DRC1: variants seen among roughly 807,000 people sequenced by gnomAD.
The protein encoded by DRC1 is dynein regulatory complex subunit 1.
DRC1 carries 74 observed loss-of-function variants against 98.7 expected under a neutral mutation model. The ratio of observed to expected loss-of-function variants is 0.75; its 90% CI spans 0.62 to 0.91. DRC1 has a LOEUF of 0.91. Ranked by LOEUF, DRC1 falls within the 40% of genes least tolerant of loss-of-function variation. DRC1 has a pLI of 0.00. For missense variants in DRC1, 875 were observed against 886.0 expected (o/e 0.99, Z 0.16); for synonymous variants, 336 against 334.1 (o/e 1.01, Z -0.06).
At chr2:26,450,902 C>T (rs1360227633) in intron 13 of DRC1, among the ~76,000 whole-genome samples, 2 of 151,978 alleles carry the variant, frequency 1.3e-5, no homozygotes, top group African/African-American at 4.8e-5. Context: ...CGACAGGCCC[C>T]GGTGTGTTAT....
At chr2:26,439,457 T>C (rs1196514128) in intron 7 of DRC1, among the ~76,000 whole-genome samples, 2 of 152,196 alleles carry the variant, frequency 1.3e-5, no homozygotes, top group Non-Finnish European at 2.9e-5. Flanking sequence ...CCTTGAAAAG[T>C]ATCTGACATA....
chr2:26,451,380 T>C (rs1383853025), intron 13 of DRC1, among the ~76,000 whole-genome samples: 1 of 152,192 alleles, frequency 6.6e-6, no homozygotes, highest in South Asian at 2.1e-4. Flanking sequence ...TTTCAGAAGG[T>C]GAATCAAATA....
At chr2:26,418,560 ATAT>A (rs1678896337) in intron 2 of DRC1, among the ~76,000 whole-genome samples, 1 of 107,348 alleles carries the variant, frequency 9.3e-6, no homozygotes, top group Admixed American at 1.3e-4. Context: ...TATATAATTT[ATAT>A]ATAATATATA....
chr2:26,415,267 CA>C (rs1478804891), intron 2 of DRC1, among the ~76,000 whole-genome samples: 2 of 152,068 alleles, frequency 1.3e-5, no homozygotes, highest in African/African-American at 4.8e-5. Flanking sequence ...TGCATTTAAT[CA>C]ATGTTAAGTG....
At chr2:26,429,809 C>T (rs1323564855) in intron 5 of DRC1, 44 bp downstream of exon 5, 2 of 1,606,004 alleles carry the variant, frequency 1.2e-6, no homozygotes, top group African/African-American at 1.3e-5. Context: ...TTGGAGGGCC[C>T]CTGGGAGGAG....
chr2:26,411,650 A>G (rs1478491544), intron 1 of DRC1, among the ~76,000 whole-genome samples: 1 of 152,178 alleles, frequency 6.6e-6, no homozygotes, highest in Non-Finnish European at 1.5e-5. Flanking sequence ...TACAAAAGTT[A>G]GCTGGGTGTG....
In DRC1 at chr2:26,414,110, G is replaced by T. The variant is rs10194156; in HGVS notation, c.156-234G>T. On this transcript the variant is annotated intron_variant, in intron 1 of 16. Coordinates refer to ENST00000288710, the MANE Select transcript of DRC1 (RefSeq NM_145038.5). ...TATATATTTATATATGAAGTACAATGGAACCATTATTATTATTATTATTAT... is the reference window on the plus strand; with the variant it reads ...TATATATTTATATATGAAGTACAATTGAACCATTATTATTATTATTATTAT... Among the ~76,000 whole-genome samples, 3,803 of 83,924 alleles carry T rather than the reference G, an allele frequency of 0.045. 138 individuals are homozygous for T. The highest frequency in any genetic ancestry group is 0.14 in the African/African-American group (3,280 of 23,512). The allele number at this position is 83,924 out of a possible 152,430, so 55.1% of individuals were successfully genotyped here. A position where few individuals can be genotyped will look rare whatever the true frequency, so the allele number is the denominator to read the frequency against.
At chr2:26,439,213 C>T (rs73920276) in intron 7 of DRC1, among the ~76,000 whole-genome samples, 8,468 of 152,170 alleles carry the variant, frequency 0.056, 409 homozygotes, top group African/African-American at 0.13. Context: ...GAGCGCTCTC[C>T]CTTCAGGTGG....
chr2:26,453,385 A>C lies in DRC1; in HGVS notation c.1755A>C (p.Glu585Asp). ...ASMEETSTRSELELAEQTEME... is the reference protein window; with the variant it reads ...ASMEETSTRSDLELAEQTEME... ...TGGAGGAGACAAGCACGAGGTCAGAATTGGAGCTGGCAGAGCAGACGGAGA... is the reference window on the plus strand; with the variant it reads ...TGGAGGAGACAAGCACGAGGTCAGACTTGGAGCTGGCAGAGCAGACGGAGA... Residue 585 changes from glutamate (E) to aspartate (D), a missense_variant, in exon 14 of 17, where the codon GAA (glutamate) becomes GAC (aspartate). Physicochemically the swap from Glu to Asp is conservative, Grantham distance 45. Coordinates refer to ENST00000288710, the MANE Select transcript of DRC1 (RefSeq NM_145038.5). The C allele has an allele frequency of 1.2e-6, 2 of 1,614,220 alleles. No homozygotes were observed. The highest frequency in any genetic ancestry group is 1.7e-6 in the Non-Finnish European group (2 of 1,180,050).
At chr2:26,418,135 C>T (rs912065116) in intron 2 of DRC1, among the ~76,000 whole-genome samples, 8 of 152,094 alleles carry the variant, frequency 5.3e-5, no homozygotes, top group African/African-American at 1.9e-4. Flanking sequence ...TTCAAACCCC[C>T]ATTGTCCCCT....
At chr2:26,411,000 C>T (rs575578619) in intron 1 of DRC1, among the ~76,000 whole-genome samples, 238 of 152,300 alleles carry the variant, frequency 1.6e-3, no homozygotes, top group African/African-American at 5.4e-3. Flanking sequence ...GGTAGACAAT[C>T]AACCAAGTTC....
chr2:26,411,506 G>A lies in DRC1; in HGVS notation c.156-2838G>A, dbSNP rs546184557. On this transcript the variant is annotated intron_variant, in intron 1 of 16. Transcript: ENST00000288710. ...ACATGTGGTTATTGGCTACCATATT[G>A]GACAGTACAGTGCTAAGCAGTAAAA... is the stretch of plus-strand genomic sequence containing the variant. 5.3e-5 allele frequency among the ~76,000 whole-genome samples: 8 copies of A among 152,160 alleles called. 1 individual carries two copies. In the South Asian group the frequency reaches 6.2e-4, roughly 12 times the overall value.
At position 26,453,386 on chromosome 2, in the gene DRC1, T is replaced by A; in HGVS notation, c.1756T>A (p.Leu586Met). 6.2e-7 allele frequency: 1 copy of A among 1,613,898 alleles called. No homozygotes were observed. The highest frequency in any genetic ancestry group is 8.5e-7 in the Non-Finnish European group (1 of 1,180,004). Residue 586 changes from leucine (L) to methionine (M), a missense_variant, in exon 14 of 17, where the codon TTG (leucine) becomes ATG (methionine). Coordinates refer to ENST00000288710, the MANE Select transcript of DRC1 (RefSeq NM_145038.5). ...GGAGGAGACAAGCACGAGGTCAGAATTGGAGCTGGCAGAGCAGACGGAGAT... is the reference window on the plus strand; with the variant it reads ...GGAGGAGACAAGCACGAGGTCAGAAATGGAGCTGGCAGAGCAGACGGAGAT... ...SMEETSTRSELELAEQTEMEG... is the reference protein window; with the variant it reads ...SMEETSTRSEMELAEQTEMEG...
chr2:26,432,139 G>T (rs549219682), intron 7 of DRC1, 133 bp downstream of exon 7: 2 of 1,342,952 alleles, frequency 1.5e-6, no homozygotes, highest in East Asian at 5.3e-5. Context: ...TTAATCATCT[G>T]CCTTCTTTTA....
chr2:26,430,824 T>C lies in DRC1; in HGVS notation c.717T>C (p.Ser239=), dbSNP rs772316882. The C allele has an allele frequency of 6.2e-7, 1 of 1,614,030 alleles. No individual in the cohort carries two copies. Among genetic ancestry groups the C allele is most frequent in the Non-Finnish European group, 8.5e-7 (1 of 1,179,976 alleles). The part of the protein sequence containing the change: ...FEVERQELLA[S]NKKKWEQALQ... ...TGGAACGCCAAGAGCTACTGGCCAG[T>C]AATAAGAAGAAATGGGAGCAAGCCC... The change falls in exon 6 of 17, where the codon AGT becomes AGC. Residue 239 remains serine, a synonymous_variant. Transcript: ENST00000288710.
At position 26,429,739 on chromosome 2, in the gene DRC1, T is replaced by C. The variant is rs755509862; in HGVS notation, c.652T>C (p.Phe218Leu). 1 of 1,614,066 alleles carries C rather than the reference T, an allele frequency of 6.2e-7. No homozygotes were observed. The highest frequency in any genetic ancestry group is 8.5e-7 in the Non-Finnish European group (1 of 1,179,982). Residue 218 changes from phenylalanine to leucine, a missense_variant, in exon 5 of 17, where the codon TTT becomes CTT. Transcript: ENST00000288710. Reference sequence around the variant, plus strand: ...ACAGGTGAAGAATGTGATGAAAACCTTTCGTGAGGAGCTCTATAACATTGA... The same window carrying C: ...ACAGGTGAAGAATGTGATGAAAACCCTTCGTGAGGAGCTCTATAACATTGA... ...EEQVKNVMKT[F>L]REELYNIEKA...
At chr2:26,402,348 A>G (rs570871788) in intron 1 of DRC1, among the ~76,000 whole-genome samples, 13 of 152,352 alleles carry the variant, frequency 8.5e-5, no homozygotes, top group Non-Finnish European at 1.9e-4. Context: ...CAGGAGTTGG[A>G]GATGGTCAAC....
intron 15 of DRC1, 59 bp from the exon 16 acceptor site, chr2:26,455,072 C>T: frequency 6.3e-7 from 1 of 1,579,000 alleles, no homozygotes; most frequent in African/African-American, 1.3e-5. Context: ...AGACCCTGGC[C>T]CCTACTTGGC....
intron 1 of DRC1, among the ~76,000 whole-genome samples, chr2:26,403,629 T>C (rs1013863957): frequency 8.6e-5 from 13 of 151,728 alleles, no homozygotes; most frequent in South Asian, 6.2e-4. Context: ...ACCCTGTCTG[T>C]ACTAAAAATA....
Sources: gnomAD v4.1 joint callset for allele counts (sites outside exome capture counted in the v4.1 genomes callset) on GRCh38, gnomAD v4.1.1 for gene constraint, MANE v1.5 for transcripts, NCBI Gene and HGNC (gene_info 2026-07-23, HGNC 2026-07-21) for gene names.